Variants in KCNN1 observed in about 807,000 individuals in gnomAD.
The protein encoded by KCNN1 is small conductance calcium-activated potassium channel protein 1.
KCNN1 carries 20 observed loss-of-function variants against 44.7 expected under a neutral mutation model. That is an observed-to-expected ratio of 0.45 (90% CI 0.32 to 0.65). The LOEUF (loss-of-function observed/expected upper bound fraction) is 0.65. KCNN1 is among the 30% of genes least tolerant of loss of function. The probability of loss-of-function intolerance (pLI) is 0.05; values close to 1 mark genes in which losing one functional copy is unlikely to be tolerated. For missense variants in KCNN1, 632 were observed against 785.3 expected (o/e 0.80, Z 2.33); for synonymous variants, 324 against 341.7 (o/e 0.95, Z 0.57).
At chr19:17,994,917 A>T (rs1466569797) in intron 9 of KCNN1, among the ~76,000 whole-genome samples, 1 of 152,218 alleles carries the variant, frequency 6.6e-6, no homozygotes. Flanking sequence ...AGTGCTTGAG[A>T]TCTTTGCAAC....
At chr19:17,954,895 G>A (rs1359959414) in intron 2 of KCNN1, among the ~76,000 whole-genome samples, 3 of 151,908 alleles carry the variant, frequency 2.0e-5, no homozygotes, top group South Asian at 2.1e-4. Flanking sequence ...AAAATTGCCC[G>A]GGGATGGTGG....
chr19:17,953,336 T>C (rs1241591582), intron 1 of KCNN1, among the ~76,000 whole-genome samples: 1 of 152,120 alleles, frequency 6.6e-6, no homozygotes, highest in Non-Finnish European at 1.5e-5. Context: ...GGCCCTGCCC[T>C]CCCAAGGCTA....
At chr19:17,995,324 C>T (rs1568461272) in intron 9 of KCNN1, among the ~76,000 whole-genome samples, 1 of 152,058 alleles carries the variant, frequency 6.6e-6, no homozygotes, top group Non-Finnish European at 1.5e-5. Flanking sequence ...CAGGCGCACA[C>T]CACCAGGTCC....
In KCNN1 at chr19:17,980,068, T is replaced by C. The variant is rs912948682; in HGVS notation, c.499-1641T>C. ...ATTTTCTTTTTCTTTTTCTTTCTTT[T>C]TTTTTTTTTATCGAGACAAGAGTCT... is the stretch of plus-strand genomic sequence containing the variant. On this transcript the variant is annotated intron_variant, in intron 3 of 9. Transcript: ENST00000684775. Among the ~76,000 whole-genome samples the C allele has an allele frequency of 2.5e-4, 38 of 149,454 alleles. No individual in the cohort carries two copies. The South Asian group carries it at 4.0e-3, about 16-fold the overall frequency.
At chr19:17,964,520 C>A (rs951091248), upstream of KCNN1, among the ~76,000 whole-genome samples, 1 of 152,252 alleles carries the variant, frequency 6.6e-6, no homozygotes, top group East Asian at 1.9e-4. This position sits in a 1 kb window ranked among gnomAD's most constrained non-coding sequence, Gnocchi z 4.3. Flanking sequence ...GGCAGTTTCC[C>A]AGGGCATGAG....
At chr19:17,982,642 G>A (rs1262735522) in intron 4 of KCNN1, 9 of 957,624 alleles carry the variant, frequency 9.4e-6, no homozygotes, top group South Asian at 4.8e-5. Flanking sequence ...CGCCATCCCC[G>A]ACCCGCTAGG....
rs1033052315 is a variant in KCNN1, at chr19:17,993,187, C to G, written c.1307+125C>G. 43 of 1,154,434 alleles carry G rather than the reference C, an allele frequency of 3.7e-5. 1 individual carries two copies. In the South Asian group the frequency reaches 5.3e-4, roughly 14 times the overall value. 71.5% of individuals were successfully genotyped at this position (1,154,434 alleles called of 1,614,324 possible). A position where few individuals can be genotyped will look rare whatever the true frequency, so the allele number is the denominator to read the frequency against. On this transcript the variant is annotated intron_variant, in intron 8 of 9. Coordinates refer to ENST00000684775, the MANE Select transcript of KCNN1 (RefSeq NM_001386974.1). This position sits in a 1 kb window ranked among gnomAD's most constrained non-coding sequence, Gnocchi z 4.5. ...AGGCGGGCAGGGTTCACATCTGCCC[C>G]ATGGATCCGTGCAGGCTTCACCTTG...
chr19:17,952,719 C>T (rs2031443728), intron 1 of KCNN1, among the ~76,000 whole-genome samples: 1 of 152,204 alleles, frequency 6.6e-6, no homozygotes, highest in Non-Finnish European at 1.5e-5. Flanking sequence ...CTCCCTTTCT[C>T]CTTGCGTTGT....
At chr19:17,990,552 G>A (rs2032753368) in intron 7 of KCNN1, among the ~76,000 whole-genome samples, 1 of 151,724 alleles carries the variant, frequency 6.6e-6, no homozygotes, top group Admixed American at 6.6e-5. Flanking sequence ...TGTAATCCCA[G>A]CACTTTGGGA....
rs963077927 is a variant in KCNN1 at position 17,983,384 on chromosome 19, G to C, written c.917+1257G>C. ...AGCCCCCACCCCCCATACTCCCACGGGCCCTGCCTGGGCATGAGGCCTGGC... is the reference window on the plus strand; with the variant it reads ...AGCCCCCACCCCCCATACTCCCACGCGCCCTGCCTGGGCATGAGGCCTGGC... On this transcript the variant is annotated intron_variant, in intron 4 of 9. Transcript: ENST00000684775. The surrounding 1 kb of genome is among the most constrained non-coding windows in gnomAD (Gnocchi z 4.5). Among the ~76,000 whole-genome samples the C allele has an allele frequency of 6.6e-6, 1 of 152,012 alleles. No individual in the cohort carries two copies. Among genetic ancestry groups the C allele is most frequent in the Admixed American group, 6.6e-5 (1 of 15,264 alleles).
intron 5 of KCNN1, among the ~76,000 whole-genome samples, chr19:17,987,983 A>C (rs1334616792): frequency 3.4e-5 from 5 of 148,012 alleles, no homozygotes; most frequent in Admixed American, 2.7e-4. Context: ...TTACTAAACA[A>C]ACACACACAC....
rs1294910968 is a variant in KCNN1, at chr19:17,967,155, C to T, written c.-244C>T. ...CGTGGACTGGGCGGCGGGGGATGCG[C>T]CTGCCGCCGCCGCCCCCGGCCCCGC... is the stretch of plus-strand genomic sequence containing the variant. On this transcript the variant is annotated 5_prime_UTR_variant, in exon 1 of 10. Coordinates refer to ENST00000684775, the MANE Select transcript of KCNN1 (RefSeq NM_001386974.1). The T allele has an allele frequency of 1.1e-4, 109 of 960,420 alleles. No homozygotes were observed. Among genetic ancestry groups the T allele is most frequent in the Non-Finnish European group, 1.3e-4 (108 of 809,572 alleles). The allele number at this position is 960,420 out of a possible 1,614,324, so 59.5% of individuals were successfully genotyped here.
intron 1 of KCNN1, among the ~76,000 whole-genome samples, chr19:17,953,585 A>T (rs2031471518): frequency 3.3e-5 from 5 of 152,092 alleles, no homozygotes; most frequent in African/African-American, 1.2e-4. Flanking sequence ...CACTAAATAG[A>T]TGGAGGGAGC....
chr19:17,997,549 G>A (rs1459510443), intron 9 of KCNN1, among the ~76,000 whole-genome samples: 1 of 152,144 alleles, frequency 6.6e-6, no homozygotes, highest in Non-Finnish European at 1.5e-5. Flanking sequence ...TGTCACTCAG[G>A]CGCACTGAAA....
At chr19:17,963,740 TTG>T, upstream of KCNN1, among the ~76,000 whole-genome samples, 1 of 151,930 alleles carries the variant, frequency 6.6e-6, no homozygotes, top group African/African-American at 2.4e-5. Context: ...TTTTTTTTTT[TTG>T]TGAGATAGGG....
At chr19:17,951,469 C>T (rs958648378) in intron 1 of KCNN1, 1 of 152,396 alleles carries the variant, frequency 6.6e-6, no homozygotes, top group Non-Finnish European at 1.5e-5. Context: ...TTGGCAGGGC[C>T]GAGGTCACGG....
At chr19:17,990,697 G>C (rs1386478038) in intron 7 of KCNN1, among the ~76,000 whole-genome samples, 1 of 151,228 alleles carries the variant, frequency 6.6e-6, no homozygotes, top group Non-Finnish European at 1.5e-5. Context: ...CTACTCGGGA[G>C]GCTGAGGCAG....
At position 17,981,698 on chromosome 19, in the gene KCNN1, G is replaced by A. The variant is rs756795999; in HGVS notation, c.499-11G>A. On this transcript the variant is annotated splice_polypyrimidine_tract_variant and intron_variant, in intron 3 of 9. Coordinates refer to ENST00000684775, the MANE Select transcript of KCNN1 (RefSeq NM_001386974.1). Reference sequence around the variant, plus strand: ...TGACACCCATGGCTGGTTCCCTCCCGCCCTCCACAGCTGTTCATGGTGGAC... The same window carrying A: ...TGACACCCATGGCTGGTTCCCTCCCACCCTCCACAGCTGTTCATGGTGGAC... The A allele has an allele frequency of 2.2e-5, 35 of 1,559,710 alleles. No homozygotes were observed. The highest frequency in any genetic ancestry group is 1.7e-4 in the Middle Eastern group (1 of 5,826).
In KCNN1 at chr19:17,980,228, A is replaced by ATTTTTTT. The variant is rs34810089; in HGVS notation, c.499-1456_499-1450dup. Among the ~76,000 whole-genome samples the ATTTTTTT allele has an allele frequency of 9.3e-3, 412 of 44,504 alleles. 13 individuals carry two copies. Among genetic ancestry groups the ATTTTTTT allele is most frequent in the East Asian group, 0.016 (22 of 1,388 alleles). The allele number at this position is 44,504 out of a possible 152,430, so 29.2% of individuals were successfully genotyped here. Reference sequence around the variant, plus strand: ...AGGCACCCGCCACCACACCTAGCTAATTTTTTTTTTTTTTTTTTTTTTTTT... The same window carrying ATTTTTTT: ...AGGCACCCGCCACCACACCTAGCTAATTTTTTTTTTTTTTTTTTTTTTTTTTTTTTTT... On this transcript the variant is annotated intron_variant, in intron 3 of 9. Transcript: ENST00000684775.
Sources: allele counts gnomAD v4.1 joint callset (sites outside exome capture counted in the v4.1 genomes callset), GRCh38; gene constraint gnomAD v4.1.1; non-coding constraint Gnocchi (gnomAD v3.1); transcripts MANE v1.5; gene names NCBI Gene and HGNC (gene_info 2026-07-23, HGNC 2026-07-21).